GALNT13: variants seen among roughly 807,000 people sequenced by gnomAD.
GALNT13 encodes polypeptide N-acetylgalactosaminyltransferase 13, also known as UDP-GalNAc:polypeptide N-acetylgalactosaminyltransferase 13.
In GALNT13, 28 loss-of-function variants were observed where a neutral mutation model predicts 64.2. The observed-to-expected ratio is 0.44, with a 90% CI of 0.32 to 0.60. The LOEUF (loss-of-function observed/expected upper bound fraction) is 0.60. Among genes scored for constraint, GALNT13 ranks in the 20% least tolerant of loss-of-function variants. GALNT13 has a pLI of 0.05. For missense variants in GALNT13, 577 were observed against 669.8 expected (o/e 0.86, Z 1.53); for synonymous variants, 214 against 224.6 (o/e 0.95, Z 0.42).
the GALNT13 span, among the ~76,000 whole-genome samples, chr2:153,808,134 G>C: frequency 8.3e-3 from 1,261 of 152,248 alleles, 18 homozygotes; most frequent in African/African-American, 0.028. Flanking sequence ...ATAAGTTACA[G>C]AAATGTGACT....
At chr2:154,291,629 C>A (rs968014343) in intron 8 of GALNT13, among the ~76,000 whole-genome samples, 42 of 152,286 alleles carry the variant, frequency 2.8e-4, no homozygotes, top group Non-Finnish European at 5.4e-4. Flanking sequence ...ACCCAGAACC[C>A]GGCCGGCCCA....
At chr2:153,301,202 C>T in the GALNT13 span, among the ~76,000 whole-genome samples, 2 of 148,842 alleles carry the variant, frequency 1.3e-5, no homozygotes, top group Admixed American at 6.8e-5. Flanking sequence ...ACCAGCTGCA[C>T]GAGAGGCTGG....
chr2:154,285,743 TTC>T (rs1290477158), intron 8 of GALNT13, among the ~76,000 whole-genome samples: 1 of 152,182 alleles, frequency 6.6e-6, no homozygotes, highest in Non-Finnish European at 1.5e-5. Flanking sequence ...TTTTTTATAT[TTC>T]TGTGAAAATA....
At chr2:153,554,079 G>A in the GALNT13 span, among the ~76,000 whole-genome samples, 102 of 152,070 alleles carry the variant, frequency 6.7e-4, 1 homozygote, top group African/African-American at 2.4e-3. Flanking sequence ...CTCTTTGGGA[G>A]GCCAAGGTGG....
the GALNT13 span, among the ~76,000 whole-genome samples, chr2:153,613,230 A>G: frequency 2.8e-3 from 430 of 152,248 alleles, 9 homozygotes; most frequent in Admixed American, 0.023. Context: ...CATATTTAAG[A>G]TTTTTCTAAA....
At chr2:153,105,175 T>G in the GALNT13 span, among the ~76,000 whole-genome samples, 5 of 151,212 alleles carry the variant, frequency 3.3e-5, no homozygotes, top group Non-Finnish European at 7.4e-5. Context: ...TTATCCACCA[T>G]GATCAAGTGG....
intron 9 of GALNT13, among the ~76,000 whole-genome samples, chr2:154,332,639 A>G (rs1273409977): frequency 6.6e-6 from 1 of 152,150 alleles, no homozygotes; most frequent in East Asian, 1.9e-4. Flanking sequence ...AAATCTCTCC[A>G]GAACATGAAT....
At chr2:153,821,707 A>G in the GALNT13 span, among the ~76,000 whole-genome samples, 1 of 152,228 alleles carries the variant, frequency 6.6e-6, no homozygotes, top group Non-Finnish European at 1.5e-5. Context: ...CCCCAGAGCT[A>G]GTAGAAGAAA....
chr2:153,793,654 TA>T, the GALNT13 span, among the ~76,000 whole-genome samples: 107,595 of 147,024 alleles, frequency 0.73, 39,926 homozygotes, highest in Middle Eastern at 0.83. Flanking sequence ...TATTTTGCTT[TA>T]AAAAAAAAAA....
chr2:153,978,517 G>T (rs959100792), intron 3 of GALNT13, among the ~76,000 whole-genome samples: 1 of 152,136 alleles, frequency 6.6e-6, no homozygotes, highest in Non-Finnish European at 1.5e-5. Flanking sequence ...ATGGGGGCTG[G>T]TCTTTCCCAT....
At chr2:153,540,876 A>G in the GALNT13 span, among the ~76,000 whole-genome samples, 46,344 of 152,120 alleles carry the variant, frequency 0.3, 7,358 homozygotes, top group South Asian at 0.45. Flanking sequence ...CTTGCTTTCT[A>G]TTTTACAGGC....
intron 9 of GALNT13, among the ~76,000 whole-genome samples, chr2:154,355,019 T>C (rs1433546105): frequency 6.6e-6 from 1 of 152,082 alleles, no homozygotes; most frequent in African/African-American, 2.4e-5. Context: ...TGGAATTGAA[T>C]CATAATCCAT....
At chr2:154,388,663 C>T (rs1452792645) in intron 9 of GALNT13, among the ~76,000 whole-genome samples, 1 of 151,502 alleles carries the variant, frequency 6.6e-6, no homozygotes, top group Non-Finnish European at 1.5e-5. Context: ...CAATAGAATA[C>T]AATAATTGCT....
chr2:153,509,292 T>C, the GALNT13 span, among the ~76,000 whole-genome samples: 1 of 152,108 alleles, frequency 6.6e-6, no homozygotes, highest in Non-Finnish European at 1.5e-5. Context: ...GAGCTGGGGC[T>C]CCCGCCCTGC....
the GALNT13 span, among the ~76,000 whole-genome samples, chr2:153,274,219 T>A: frequency 7.2e-5 from 11 of 152,122 alleles, no homozygotes; most frequent in Middle Eastern, 3.4e-3. Context: ...ATAAAAAAAA[T>A]TTATAGCTTT....
the GALNT13 span, among the ~76,000 whole-genome samples, chr2:153,313,785 A>G: frequency 1.3e-5 from 2 of 152,236 alleles, no homozygotes; most frequent in Non-Finnish European, 2.9e-5. Flanking sequence ...AAATAGAAAT[A>G]TTAACACTTA....
chr2:153,658,718 G>A, the GALNT13 span, among the ~76,000 whole-genome samples: 3 of 150,886 alleles, frequency 2.0e-5, no homozygotes, highest in South Asian at 2.1e-4. Flanking sequence ...TACATATGTT[G>A]TATAAAATGG....
At chr2:154,144,655 T>G (rs1304745859) in intron 4 of GALNT13, among the ~76,000 whole-genome samples, 1 of 152,086 alleles carries the variant, frequency 6.6e-6, no homozygotes, top group Non-Finnish European at 1.5e-5. Flanking sequence ...TCCAAAAAGT[T>G]TAATGTTATG....
At chr2:153,190,162 G>A in the GALNT13 span, among the ~76,000 whole-genome samples, 1 of 151,966 alleles carries the variant, frequency 6.6e-6, no homozygotes, top group African/African-American at 2.4e-5. Context: ...GCCATAAAAT[G>A]TTTGTCTAGA....
Sources: allele counts gnomAD v4.1 joint callset (sites outside exome capture counted in the v4.1 genomes callset), GRCh38; gene constraint gnomAD v4.1.1; transcripts MANE v1.5; gene names NCBI Gene and HGNC (gene_info 2026-07-23, HGNC 2026-07-21).